The following IQSEC3 variants were observed in gnomAD, a reference collection of about 807,000 sequenced individuals.
The protein encoded by IQSEC3 is IQ motif and Sec7 domain ArfGEF 3.
Under a neutral mutation model 105.4 loss-of-function variants are expected in IQSEC3, and 50 were observed. That is an observed-to-expected ratio of 0.47 (90% CI 0.38 to 0.60). The LOEUF is 0.60. Ranked by LOEUF, IQSEC3 falls within the 20% of genes least tolerant of loss-of-function variation. The probability of loss-of-function intolerance (pLI) is 0.00; values close to 1 mark genes in which losing one functional copy is unlikely to be tolerated. For missense variants in IQSEC3, 1,415 were observed against 1,630.0 expected, an observed-to-expected ratio of 0.87 and a Z score of 2.27; for synonymous variants, 708 against 746.0, an observed-to-expected ratio of 0.95 and a Z score of 0.83.
intron 2 of IQSEC3, among the ~76,000 whole-genome samples, chr12:109,505 C>T (rs1864802977): frequency 6.6e-6 from 1 of 152,168 alleles, no homozygotes; most frequent in African/African-American, 2.4e-5. Context: ...CCTTCCACAT[C>T]CTGAACCCTT....
chr12:144,481 C>T (rs1866177831), intron 5 of IQSEC3: 1 of 152,230 alleles, frequency 6.6e-6, no homozygotes. Context: ...ACAGCCCAAA[C>T]CGCAGCACTC....
intron 5 of IQSEC3, among the ~76,000 whole-genome samples, chr12:156,506 A>G (rs1047864036): frequency 6.6e-6 from 1 of 151,734 alleles, no homozygotes; most frequent in African/African-American, 2.4e-5. Context: ...AGCTGGGGGG[A>G]GCTGGGCTGC....
intron 1 of IQSEC3, among the ~76,000 whole-genome samples, chr12:91,039 C>A (rs1334189413): frequency 6.6e-6 from 1 of 152,130 alleles, no homozygotes; most frequent in Non-Finnish European, 1.5e-5. Flanking sequence ...GAGCTCAAGG[C>A]AGCTCCTTTA....
chr12:97,764 C>G (rs1864284123), intron 1 of IQSEC3, among the ~76,000 whole-genome samples: 1 of 152,226 alleles, frequency 6.6e-6, no homozygotes, highest in African/African-American at 2.4e-5. Context: ...CACCACTGCA[C>G]TCCAGCCTGG....
chr12:84,652 C>T (rs4980929), intron 1 of IQSEC3, among the ~76,000 whole-genome samples: 70,250 of 151,990 alleles, frequency 0.46, 17,384 homozygotes, highest in Non-Finnish European at 0.56. Context: ...TGTGTGTACA[C>T]ATCTTTGTGC....
At chr12:145,979 T>C (rs1283118940) in intron 5 of IQSEC3, among the ~76,000 whole-genome samples, 4 of 152,176 alleles carry the variant, frequency 2.6e-5, no homozygotes, top group African/African-American at 9.7e-5. Flanking sequence ...GCTTCCTGGG[T>C]GTTCCTTCCC....
chr12:76,933 G>A (rs1239193461), intron 1 of IQSEC3, among the ~76,000 whole-genome samples: 7 of 152,214 alleles, frequency 4.6e-5, no homozygotes, highest in Non-Finnish European at 1.0e-4. Context: ...AGGAATGCAC[G>A]CCCCATCCCA....
intron 3 of IQSEC3, among the ~76,000 whole-genome samples, chr12:131,339 G>T (rs562482606): frequency 6.6e-6 from 1 of 152,262 alleles, no homozygotes; most frequent in African/African-American, 2.4e-5. Flanking sequence ...CAGGCCCAGA[G>T]ACCCCCCACT....
chr12:118,219 G>A (rs747586671), intron 2 of IQSEC3, among the ~76,000 whole-genome samples: 6 of 152,128 alleles, frequency 3.9e-5, no homozygotes, highest in Non-Finnish European at 5.9e-5. Flanking sequence ...CTTCCAGCTC[G>A]GGCTTCGAAT....
chr12:165,659 T>G, intron 10 of IQSEC3, 70 bp from the exon 11 acceptor site: 1 of 1,598,570 alleles, frequency 6.3e-7, no homozygotes, highest in Non-Finnish European at 8.6e-7. Flanking sequence ...GCCCTCCTCA[T>G]GTCTGGCTGG....
At position 138,408 on chromosome 12, in the gene IQSEC3, C is replaced by A; in HGVS notation, c.1045C>A (p.Arg349=). 2.5e-6 allele frequency: 4 copies of A among 1,609,652 alleles called. No homozygotes were observed. The highest frequency in any genetic ancestry group is 1.3e-5 in the African/African-American group (1 of 75,058). ...CTCGCTTCTGGAGAGCCGCCTGCCA[C>A]GGCGGATCTCCCTGCGCAAGGTGCG... is the stretch of plus-strand genomic sequence containing the variant. ...RNSLLESRLP[R]RISLRKVRSP... is the part of the protein sequence containing the mutation. The change falls in exon 4 of 14, where the codon CGG becomes AGG. Residue 349 remains arginine, a synonymous_variant. Coordinates refer to ENST00000538872, the MANE Select transcript of IQSEC3 (RefSeq NM_001170738.2). This position sits in a 1 kb window ranked among gnomAD's most constrained non-coding sequence, Gnocchi z 7.1.
At chr12:171,076 G>T in intron 12 of IQSEC3, 36 bp from the exon 13 acceptor site, 1 of 1,612,012 alleles carries the variant, frequency 6.2e-7, no homozygotes, top group Non-Finnish European at 8.5e-7. Flanking sequence ...TGGCTCAGCC[G>T]GTGGAGAATG....
chr12:161,845 G>A, intron 7 of IQSEC3, 81 bp from the exon 8 acceptor site: 2 of 1,426,174 alleles, frequency 1.4e-6, no homozygotes, highest in South Asian at 1.4e-5. Context: ...GGCTGGATGG[G>A]GGTCTCTTCT....
chr12:168,704 C>G (rs1476424158), intron 11 of IQSEC3, among the ~76,000 whole-genome samples: 1 of 152,118 alleles, frequency 6.6e-6, no homozygotes, highest in African/African-American at 2.4e-5. Context: ...TAAAACCACA[C>G]AGCCAGGGAG....
At chr12:78,241 T>TGCGGCACC (rs1438743928) in intron 1 of IQSEC3, among the ~76,000 whole-genome samples, 1 of 151,632 alleles carries the variant, frequency 6.6e-6, no homozygotes, top group African/African-American at 2.4e-5. Flanking sequence ...GCTTCGGCGC[T>TGCGGCACC]GCGGCACCGC....
chr12:137,840 T>TC (rs1865830883), intron 3 of IQSEC3, among the ~76,000 whole-genome samples: 1 of 151,222 alleles, frequency 6.6e-6, no homozygotes, highest in African/African-American at 2.4e-5. Context: ...TTTTTTTTTT[T>TC]CAAGAGAGAG....
In IQSEC3 at chr12:89,290, A is replaced by G. The variant is rs1864010720; in HGVS notation, c.555-9856A>G. On this transcript the variant is annotated intron_variant, in intron 1 of 13. Coordinates refer to ENST00000538872, the MANE Select transcript of IQSEC3 (RefSeq NM_001170738.2). ...CTAGCAGTTGAAAGGAAAGAAAAATATAATGTCTTTTTCTACTGCTTGGAA... is the reference window on the plus strand; with the variant it reads ...CTAGCAGTTGAAAGGAAAGAAAAATGTAATGTCTTTTTCTACTGCTTGGAA... Among the ~76,000 whole-genome samples, 6 of 152,018 alleles carry G rather than the reference A, an allele frequency of 3.9e-5. No individual in the cohort carries two copies. In the South Asian group the frequency reaches 1.2e-3, roughly 31 times the overall value.
chr12:96,876 T>C (rs1220847076), intron 1 of IQSEC3, among the ~76,000 whole-genome samples: 2 of 152,162 alleles, frequency 1.3e-5, no homozygotes, highest in Non-Finnish European at 2.9e-5. Context: ...ATTTTATCTT[T>C]CATTTACATT....
chr12:111,555 A>C (rs1425502481), intron 2 of IQSEC3: 3 of 151,970 alleles, frequency 2.0e-5, no homozygotes, highest in African/African-American at 7.3e-5. Context: ...GAGGTTTCTT[A>C]CACACCCCAA....
Sources: allele counts gnomAD v4.1 joint callset (sites outside exome capture counted in the v4.1 genomes callset), GRCh38; gene constraint gnomAD v4.1.1; non-coding constraint Gnocchi (gnomAD v3.1); transcripts MANE v1.5; gene names NCBI Gene and HGNC (gene_info 2026-07-23, HGNC 2026-07-21).